SIRPD: variants seen among roughly 807,000 people sequenced by gnomAD.
SIRPD encodes signal-regulatory protein delta.
SIRPD carries 21 observed loss-of-function variants against 18.0 expected under a neutral mutation model. The observed-to-expected ratio is 1.17, with a 90% CI of 0.83 to 1.68. The LOEUF (loss-of-function observed/expected upper bound fraction) is 1.68. Among genes scored for constraint, SIRPD ranks in the 40% most tolerant of loss-of-function variants. The pLI, the probability that SIRPD is intolerant of heterozygous loss-of-function variation, is 0.00. For synonymous variants in SIRPD, 106 were observed against 92.9 expected (o/e 1.14, Z -0.81); for missense variants, 295 against 238.4 (o/e 1.24, Z -1.56).
intron 2 of SIRPD, among the ~76,000 whole-genome samples, chr20:1,549,448 G>A (rs111341580): frequency 9.2e-5 from 14 of 151,422 alleles, no homozygotes; most frequent in African/African-American, 3.4e-4. Flanking sequence ...TTTGAAACTG[G>A]ACATCTTAGA....
rs1172896451 is a variant in SIRPD at position 1,557,564 on chromosome 20, A to G, written c.73+17T>C. On this transcript the variant is annotated intron_variant, in intron 1 of 3. Coordinates refer to ENST00000381623, the MANE Select transcript of SIRPD (RefSeq NM_178460.3). ...AGGGGAGAACCCACCACACACATACACTGAGGCCCCACTCACCTGCCAGTT... is the reference window on the plus strand; with the variant it reads ...AGGGGAGAACCCACCACACACATACGCTGAGGCCCCACTCACCTGCCAGTT... The G allele has an allele frequency of 2.6e-6, 4 of 1,551,214 alleles. No individual in the cohort carries two copies. The highest frequency in any genetic ancestry group is 1.7e-4 in the Middle Eastern group (1 of 5,784).
At chr20:1,548,204 G>A (rs546078011) in intron 2 of SIRPD, among the ~76,000 whole-genome samples, 18 of 152,130 alleles carry the variant, frequency 1.2e-4, no homozygotes, top group Non-Finnish European at 8.8e-5. Flanking sequence ...ATTGGCTGTG[G>A]CTTTCGGTTT....
chr20:1,555,345 T>C (rs2091035837), intron 1 of SIRPD, among the ~76,000 whole-genome samples: 1 of 152,210 alleles, frequency 6.6e-6, no homozygotes, highest in South Asian at 2.1e-4. Flanking sequence ...GGTGGAGAGT[T>C]GGACAAGGAA....
rs551626197 is a variant in SIRPD, at chr20:1,552,995, C to T, written c.74-957G>A. ...CACCTAATACCACTGTATTTCATGACGTTAATTCAGAGGGTGGTGAGGAGA... is the reference window on the plus strand; with the variant it reads ...CACCTAATACCACTGTATTTCATGATGTTAATTCAGAGGGTGGTGAGGAGA... On this transcript the variant is annotated intron_variant, in intron 1 of 3. Coordinates refer to ENST00000381623, the MANE Select transcript of SIRPD (RefSeq NM_178460.3). Among the ~76,000 whole-genome samples, 11 of 152,174 alleles carry T rather than the reference C, an allele frequency of 7.2e-5. No homozygotes were observed. In the East Asian group the frequency reaches 1.2e-3, roughly 16 times the overall value.
In SIRPD at chr20:1,551,711, C is replaced by T. The variant is rs766753378; in HGVS notation, c.401G>A (p.Gly134Asp). The part of the protein sequence containing the change: ...RAIKEYQSGR[G>D]TQVFVTEQNP... Reference sequence around the variant, plus strand: ...CTCACCAGTAACAAACACCTGAGTGCCCCGACCTGATTGGTACTCCTTGAT... The same window carrying T: ...CTCACCAGTAACAAACACCTGAGTGTCCCGACCTGATTGGTACTCCTTGAT... Residue 134 changes from glycine (G) to aspartate (D), a missense_variant, in exon 2 of 4, where the codon GGC becomes GAC. Physicochemically the swap from Gly to Asp is moderately conservative, Grantham distance 94. Coordinates refer to ENST00000381623, the MANE Select transcript of SIRPD (RefSeq NM_178460.3). 1.9e-6 allele frequency: 3 copies of T among 1,613,230 alleles called. No homozygotes were observed. The highest frequency in any genetic ancestry group is 4.5e-5 in the East Asian group (2 of 44,876).
chr20:1,537,245 C>A lies in SIRPD; in HGVS notation c.487G>T (p.Ala163Ser), dbSNP rs753588547. The change falls in exon 3 of 4, where the codon GCC becomes TCC. Residue 163 changes from alanine (A) to serine (S), a missense_variant. Coordinates refer to ENST00000381623, the MANE Select transcript of SIRPD (RefSeq NM_178460.3). The part of the protein sequence containing the change: ...GRAGSRAHHD[A>S]HTCLSALPER... ...GGCAGGGCCGAGAGGCAGGTATGGG[C>A]ATCATGGTGGGCCCTGGAGCCTGCT... 85 of 1,614,016 alleles carry A rather than the reference C, an allele frequency of 5.3e-5. No homozygotes were observed. The South Asian group carries it at 8.9e-4, about 17-fold the overall frequency.
At position 1,543,598 on chromosome 20, in the gene SIRPD, G is replaced by T. The variant is rs150608315; in HGVS notation, c.422-6288C>A. On this transcript the variant is annotated intron_variant, in intron 2 of 3. Transcript: ENST00000381623. Reference sequence around the variant, plus strand: ...TCCTTGATTCACTGATTTTTTGAAGGGTGTTTTGTGTCTCTATTTCCTTCA... The same window carrying T: ...TCCTTGATTCACTGATTTTTTGAAGTGTGTTTTGTGTCTCTATTTCCTTCA... 6.6e-5 allele frequency among the ~76,000 whole-genome samples: 10 copies of T among 151,814 alleles called. No homozygotes were observed. The East Asian group carries it at 1.7e-3, about 26-fold the overall frequency.
chr20:1,543,439 C>A (rs142770161), intron 2 of SIRPD, among the ~76,000 whole-genome samples: 55 of 147,406 alleles, frequency 3.7e-4, no homozygotes, highest in Admixed American at 6.7e-4. Context: ...ATAGTATTCG[C>A]TGATGGTAGT....
At chr20:1,540,243 C>T (rs1208727805) in intron 2 of SIRPD, 1 of 455,552 alleles carries the variant, frequency 2.2e-6, no homozygotes, top group Admixed American at 2.4e-5. Flanking sequence ...TATGTTCTCT[C>T]CTAGAACCTC....
chr20:1,537,675 T>C (rs924147582), intron 2 of SIRPD, among the ~76,000 whole-genome samples: 2 of 152,076 alleles, frequency 1.3e-5, no homozygotes, highest in Non-Finnish European at 2.9e-5. Flanking sequence ...CTCCCGGGAA[T>C]GGGGCTTCAC....
intron 2 of SIRPD, among the ~76,000 whole-genome samples, chr20:1,543,852 T>G (rs1385193307): frequency 6.6e-6 from 1 of 152,258 alleles, no homozygotes; most frequent in Non-Finnish European, 1.5e-5. Context: ...TATTTATTTC[T>G]GCCTTAATTT....
chr20:1,549,330 A>G (rs530135918), intron 2 of SIRPD, among the ~76,000 whole-genome samples: 14 of 150,260 alleles, frequency 9.3e-5, no homozygotes, highest in African/African-American at 2.4e-4. Flanking sequence ...TTGCCTGTTA[A>G]GTTTGACATC....
Position 1,542,930 on chromosome 20 carries a change from G to A in SIRPD, c.422-5620C>T, listed in dbSNP as rs964448908. Among the ~76,000 whole-genome samples, 119 of 152,148 alleles carry A rather than the reference G, an allele frequency of 7.8e-4. 1 individual carries two copies. The highest frequency in any genetic ancestry group is 2.9e-3 in the African/African-American group (119 of 41,446). On this transcript the variant is annotated intron_variant, in intron 2 of 3. Coordinates refer to ENST00000381623, the MANE Select transcript of SIRPD (RefSeq NM_178460.3). ...TGGTTCTGTTTATGTGATGGATTAC[G>A]TTTATTGATTTCCATATGTTGAACC...
In SIRPD at chr20:1,537,222, CA is replaced by C; in HGVS notation, c.509del (p.Leu170ArgfsTer38). The C allele has an allele frequency of 1.9e-6, 3 of 1,614,130 alleles. 1 individual carries two copies. The South Asian group carries it at 3.3e-5, about 18-fold the overall frequency. ...AATAGTTTGTGCTGTTTCTCTCAGGCAGGGCCGAGAGGCAGGTATGGGCATC... is the reference window on the plus strand; with the variant it reads ...AATAGTTTGTGCTGTTTCTCTCAGGCGGGCCGAGAGGCAGGTATGGGCATC... ...HHDAHTCLSA[L>X]PERNSTNYFV... is the part of the protein sequence containing the mutation. On this transcript the variant is annotated frameshift_variant, in exon 3 of 4. Coordinates refer to ENST00000381623, the MANE Select transcript of SIRPD (RefSeq NM_178460.3). LOFTEE classifies it high-confidence loss of function.
At chr20:1,553,453 C>T (rs886945228) in intron 1 of SIRPD, among the ~76,000 whole-genome samples, 1 of 152,170 alleles carries the variant, frequency 6.6e-6, no homozygotes, top group African/African-American at 2.4e-5. Flanking sequence ...GGGAAAACTT[C>T]ACCTATGTTG....
intron 1 of SIRPD, 150 bp from the exon 2 acceptor site, chr20:1,552,188 A>ACAT (rs2091022664): frequency 1.1e-5 from 7 of 655,676 alleles, no homozygotes; most frequent in Middle Eastern, 4.0e-4. Flanking sequence ...ACATGGAGGC[A>ACAT]GCTTCTCCCT....
chr20:1,534,470 A>G (rs1245258146), intron 3 of SIRPD, 29 bp from the exon 4 acceptor site: 4 of 1,590,514 alleles, frequency 2.5e-6, no homozygotes, highest in Non-Finnish European at 3.4e-6. Context: ...AAAATAAAAT[A>G]AAACATTTCT....
rs567623232 is a variant in SIRPD at position 1,535,126 on chromosome 20, T to C, written c.578-685A>G. On this transcript the variant is annotated intron_variant, in intron 3 of 3. Transcript: ENST00000381623. ...TGTTGATGTATATATTGGGGATGTA[T>C]TGATGATGTTGCAGACACATATATA... 6.6e-5 allele frequency among the ~76,000 whole-genome samples: 10 copies of C among 152,326 alleles called. No homozygotes were observed. In the South Asian group the frequency reaches 2.1e-3, roughly 32 times the overall value.
chr20:1,538,729 C>T (rs2090958484), intron 2 of SIRPD, among the ~76,000 whole-genome samples: 1 of 152,200 alleles, frequency 6.6e-6, no homozygotes, highest in South Asian at 2.1e-4. Context: ...TTCTAACTGA[C>T]ATCCCAGCTA....
Sources: gnomAD v4.1 joint callset for allele counts (sites outside exome capture counted in the v4.1 genomes callset) on GRCh38, gnomAD v4.1.1 for gene constraint, MANE v1.5 for transcripts, NCBI Gene and HGNC (gene_info 2026-07-23, HGNC 2026-07-21) for gene names.